The following DAAM1 variants were observed in gnomAD, a reference collection of about 807,000 sequenced individuals.
DAAM1 encodes the protein disheveled-associated activator of morphogenesis 1.
Under a neutral mutation model 130.0 loss-of-function variants are expected in DAAM1, and 52 were observed. That is an observed-to-expected ratio of 0.40 (90% CI 0.32 to 0.50). The LOEUF is 0.50. DAAM1 is among the 20% of genes least tolerant of loss of function. DAAM1 has a pLI of 0.61. For synonymous variants in DAAM1, 452 were observed against 444.5 expected, an observed-to-expected ratio of 1.02 and a Z score of -0.21; for missense variants, 1,134 against 1,303.8, an observed-to-expected ratio of 0.87 and a Z score of 2.01.
chr14:59,301,048 A>G (rs1029026033), intron 3 of DAAM1, among the ~76,000 whole-genome samples: 5 of 152,168 alleles, frequency 3.3e-5, no homozygotes, highest in African/African-American at 1.2e-4. Context: ...TTATACCTGC[A>G]GTGAATTAGT....
At chr14:59,289,163 C>T (rs964379639) in intron 2 of DAAM1, among the ~76,000 whole-genome samples, 1 of 152,128 alleles carries the variant, frequency 6.6e-6, no homozygotes, top group Admixed American at 6.6e-5. Flanking sequence ...GATCTGCCCG[C>T]CTCGGCCTCC....
chr14:59,285,026 A>G (rs1883380366), intron 2 of DAAM1, among the ~76,000 whole-genome samples: 1 of 152,304 alleles, frequency 6.6e-6, no homozygotes, highest in East Asian at 1.9e-4. Flanking sequence ...TCCAAGGTCA[A>G]TGAAAAAGAA....
At chr14:59,331,636 T>G (rs1297563661) in intron 14 of DAAM1, 128 bp downstream of exon 14, 7 of 1,505,948 alleles carry the variant, frequency 4.6e-6, no homozygotes, top group Non-Finnish European at 6.2e-6. Context: ...GAGTTCTCAC[T>G]AGCTCAGATA....
intron 1 of DAAM1, among the ~76,000 whole-genome samples, chr14:59,246,862 A>C (rs1881404844): frequency 6.6e-6 from 1 of 152,116 alleles, no homozygotes; most frequent in South Asian, 2.1e-4. Context: ...CTTTGGAGAA[A>C]TGTCTAGTCA....
At chr14:59,361,289 GCAGA>G (rs1333959303) in intron 22 of DAAM1, among the ~76,000 whole-genome samples, 1 of 152,188 alleles carries the variant, frequency 6.6e-6, no homozygotes, top group Non-Finnish European at 1.5e-5. Flanking sequence ...TATTTACTAA[GCAGA>G]CAGTGTAGTA....
At position 59,263,454 on chromosome 14, in the gene DAAM1, C is replaced by G; in HGVS notation, c.-24C>G. 2 of 1,613,680 alleles carry G rather than the reference C, an allele frequency of 1.2e-6. No individual in the cohort carries two copies. Among genetic ancestry groups the G allele is most frequent in the Non-Finnish European group, 8.5e-7 (1 of 1,179,606 alleles). On this transcript the variant is annotated 5_prime_UTR_variant, in exon 2 of 25. In the 5' UTR this introduces an upstream ATG that the reference lacks. Transcript: ENST00000360909. ...CTCTTTTTGCAGCGTTTAGTCACATCAAGAAATAGAACAGAATTCAGCCAT... is the reference window on the plus strand; with the variant it reads ...CTCTTTTTGCAGCGTTTAGTCACATGAAGAAATAGAACAGAATTCAGCCAT...
intron 18 of DAAM1, among the ~76,000 whole-genome samples, chr14:59,352,908 G>A (rs1360732785): frequency 6.6e-6 from 1 of 150,696 alleles, no homozygotes; most frequent in African/African-American, 2.4e-5. Context: ...ATTCCAGTCA[G>A]TATCATTCTC....
intron 1 of DAAM1, among the ~76,000 whole-genome samples, chr14:59,228,131 A>C (rs998244701): frequency 1.3e-5 from 2 of 152,216 alleles, no homozygotes; most frequent in East Asian, 1.9e-4. Context: ...TTAAGGGAAG[A>C]AAAAAAATCA....
chr14:59,364,383 TTTGTGTTCCC>T (rs1886832653), intron 23 of DAAM1, among the ~76,000 whole-genome samples: 1 of 152,166 alleles, frequency 6.6e-6, no homozygotes, highest in South Asian at 2.1e-4. Flanking sequence ...TATTTCACAT[TTTGTGTTCCC>T]TTGGAAGAGA....
chr14:59,215,427 C>T (rs904450854), intron 1 of DAAM1, among the ~76,000 whole-genome samples: 6 of 152,166 alleles, frequency 3.9e-5, no homozygotes, highest in African/African-American at 1.4e-4. Flanking sequence ...AGAGCTGAAT[C>T]AAGGCTTGTT....
At chr14:59,269,929 T>G (rs1566676964) in intron 2 of DAAM1, among the ~76,000 whole-genome samples, 1 of 152,170 alleles carries the variant, frequency 6.6e-6, no homozygotes, top group Non-Finnish European at 1.5e-5. Context: ...GAGACGAGCC[T>G]GGGAAAGGTA....
chr14:59,348,220 G>T (rs1051837465), intron 17 of DAAM1, among the ~76,000 whole-genome samples: 1 of 152,148 alleles, frequency 6.6e-6, no homozygotes, highest in Non-Finnish European at 1.5e-5. Context: ...GCAAGAATGG[G>T]ATTTACACCC....
chr14:59,325,551 T>G, intron 8 of DAAM1, 113 bp from the exon 9 acceptor site: 1 of 916,108 alleles, frequency 1.1e-6, no homozygotes, highest in South Asian at 1.8e-5. Context: ...CATTGTTCCT[T>G]TTTGAGATAT....
intron 1 of DAAM1, among the ~76,000 whole-genome samples, chr14:59,235,749 T>A (rs1157411020): frequency 1.3e-5 from 2 of 152,218 alleles, no homozygotes; most frequent in Non-Finnish European, 2.9e-5. Context: ...TGATTTGAGA[T>A]CTTTCTAGCT....
intron 2 of DAAM1, among the ~76,000 whole-genome samples, chr14:59,281,584 A>G (rs949057122): frequency 3.9e-5 from 6 of 152,124 alleles, no homozygotes; most frequent in African/African-American, 4.8e-5. Context: ...AAGCCATGTC[A>G]TGAAGGGACC....
chr14:59,314,617 G>A (rs773590984), intron 3 of DAAM1, among the ~76,000 whole-genome samples: 4 of 152,066 alleles, frequency 2.6e-5, no homozygotes, highest in Admixed American at 6.6e-5. Flanking sequence ...TTTAGGAATC[G>A]GTGCCTGAAT....
intron 1 of DAAM1, among the ~76,000 whole-genome samples, chr14:59,238,880 T>C (rs2139458123): frequency 6.6e-6 from 1 of 152,304 alleles, no homozygotes; most frequent in South Asian, 2.1e-4. Context: ...TATTCTTGCA[T>C]CAGAGACTTT....
chr14:59,289,769 T>TATATATATATATATATATAC (rs1160677661), intron 2 of DAAM1, among the ~76,000 whole-genome samples: 2 of 60,194 alleles, frequency 3.3e-5, no homozygotes, highest in African/African-American at 7.7e-5. Flanking sequence ...CAAAATGTGA[T>TATATATATATATATATATAC]ATATATATAT....
chr14:59,320,537 T>G lies in DAAM1; in HGVS notation c.393T>G (p.Ser131Arg), dbSNP rs1386779042. The G allele has an allele frequency of 6.2e-7, 1 of 1,606,470 alleles. No individual in the cohort carries two copies. The change falls in exon 5 of 25, where the codon AGT becomes AGG. Residue 131 changes from serine (S) to arginine (R), a missense_variant. Around this residue, in one of 3 missense-constraint regions of DAAM1, gnomAD observed 391 missense variants for 521.6 expected, o/e 0.75. Coordinates refer to ENST00000360909, the MANE Select transcript of DAAM1 (RefSeq NM_001270520.2). ...AGAAGGAAGAAGAAGAAGAAAGAAGTAAAACTATAGAGAGTTTAAAGACAG... is the reference window on the plus strand; with the variant it reads ...AGAAGGAAGAAGAAGAAGAAAGAAGGAAAACTATAGAGAGTTTAAAGACAG... ...ALEKEEEEERSKTIESLKTAL... is the reference protein window; with the variant it reads ...ALEKEEEEERRKTIESLKTAL...
Sources: allele counts gnomAD v4.1 joint callset (sites outside exome capture counted in the v4.1 genomes callset), GRCh38; gene constraint gnomAD v4.1.1; regional missense constraint gnomAD v4.1.1; transcripts MANE v1.5; gene names NCBI Gene and HGNC (gene_info 2026-07-23, HGNC 2026-07-21).